The following MOB4 variants were observed in gnomAD, a reference collection of about 807,000 sequenced individuals.
The protein encoded by MOB4 is MOB-like protein phocein.
Under a neutral mutation model 32.2 loss-of-function variants are expected in MOB4, and 4 were observed. The ratio of observed to expected loss-of-function variants is 0.12; its 90% CI spans 0.06 to 0.28. MOB4 has a LOEUF of 0.28. Ranked by LOEUF, MOB4 falls within the 10% of genes least tolerant of loss-of-function variation. The probability of loss-of-function intolerance (pLI) is 1.00; values close to 1 mark genes in which losing one functional copy is unlikely to be tolerated. For synonymous variants in MOB4, 88 were observed against 88.1 expected (o/e 1.00, Z 0.01); for missense variants, 158 against 271.2 (o/e 0.58, Z 2.93).
intron 1 of MOB4, among the ~76,000 whole-genome samples, chr2:197,519,315 A>T (rs1238613737): frequency 6.6e-6 from 1 of 152,190 alleles, no homozygotes; most frequent in Non-Finnish European, 1.5e-5. Flanking sequence ...AAGGCGAAAC[A>T]TTTCATTCTC....
chr2:197,515,740 ACG>A, upstream of MOB4: 1 of 335,302 alleles, frequency 3.0e-6, no homozygotes, highest in South Asian at 3.8e-5. Context: ...CGTGTAACTA[ACG>A]AGAGCCCATA....
At chr2:197,523,558 AT>A in intron 1 of MOB4, 65 bp from the exon 2 acceptor site, 1 of 1,507,368 alleles carries the variant, frequency 6.6e-7, no homozygotes, top group Non-Finnish European at 9.0e-7. Flanking sequence ...TTGGGTCTTT[AT>A]TAAGAATTGA....
At chr2:197,516,542 G>A (rs1695888630) in intron 1 of MOB4, 1 of 546,360 alleles carries the variant, frequency 1.8e-6, no homozygotes. Context: ...CGCTGAGGTG[G>A]GAGGGGGTGT....
At chr2:197,520,228 G>T (rs1462218817) in intron 1 of MOB4, among the ~76,000 whole-genome samples, 1 of 150,404 alleles carries the variant, frequency 6.6e-6, no homozygotes, top group Non-Finnish European at 1.5e-5. Flanking sequence ...TGTCTCCCAG[G>T]CTGGAGTGCA....
chr2:197,549,101 A>G (rs1055168023), intron 6 of MOB4, among the ~76,000 whole-genome samples: 2 of 152,054 alleles, frequency 1.3e-5, no homozygotes, highest in African/African-American at 4.8e-5. Context: ...GGTGACGAGT[A>G]CCTGTAATCC....
intron 6 of MOB4, among the ~76,000 whole-genome samples, chr2:197,549,752 T>C (rs1444096876): frequency 6.6e-6 from 1 of 151,402 alleles, no homozygotes; most frequent in Non-Finnish European, 1.5e-5. Context: ...GGTTTCACCA[T>C]GTTGGCCAGG....
chr2:197,531,296 G>A (rs1203035727), intron 2 of MOB4, among the ~76,000 whole-genome samples: 2 of 151,702 alleles, frequency 1.3e-5, no homozygotes, highest in Non-Finnish European at 2.9e-5. Context: ...CACCCACCTC[G>A]GCCTCCCAAA....
intron 1 of MOB4, among the ~76,000 whole-genome samples, chr2:197,521,332 G>T (rs959931786): frequency 5.9e-5 from 9 of 152,164 alleles, no homozygotes; most frequent in African/African-American, 2.2e-4. Context: ...TACAAATAGG[G>T]TGTGGGTCAC....
chr2:197,532,123 G>T (rs1420339208), intron 2 of MOB4, among the ~76,000 whole-genome samples: 1 of 151,926 alleles, frequency 6.6e-6, no homozygotes, highest in East Asian at 1.9e-4. Context: ...TGGCCAGGCT[G>T]GTCTTGAACT....
intron 3 of MOB4, 74 bp from the exon 4 acceptor site, chr2:197,540,037 T>C (rs778355281): frequency 2.5e-5 from 38 of 1,503,968 alleles, no homozygotes; most frequent in Non-Finnish European, 3.2e-5. Context: ...TGGGATTCTC[T>C]TTTTGCAGCT....
At chr2:197,518,901 G>A (rs2086465337) in intron 1 of MOB4, among the ~76,000 whole-genome samples, 2 of 151,964 alleles carry the variant, frequency 1.3e-5, no homozygotes, top group Admixed American at 6.6e-5. Flanking sequence ...GACTACAGGC[G>A]CTAACCACCA....
At chr2:197,524,275 G>C (rs1007179097) in intron 2 of MOB4, among the ~76,000 whole-genome samples, 1 of 152,128 alleles carries the variant, frequency 6.6e-6, no homozygotes, top group Non-Finnish European at 1.5e-5. Flanking sequence ...GCTCACAGCT[G>C]TAATCCCAGC....
chr2:197,524,676 G>T (rs1380450231), intron 2 of MOB4, among the ~76,000 whole-genome samples: 1 of 152,032 alleles, frequency 6.6e-6, no homozygotes, highest in African/African-American at 2.4e-5. Context: ...GTAGAGACAG[G>T]GTTTTGCGAT....
At chr2:197,524,403 G>A (rs2106108442) in intron 2 of MOB4, among the ~76,000 whole-genome samples, 1 of 151,932 alleles carries the variant, frequency 6.6e-6, no homozygotes, top group South Asian at 2.1e-4. Flanking sequence ...ATGGTGGCAT[G>A]TGCCTGTAGT....
chr2:197,519,732 C>T (rs1428818226), intron 1 of MOB4, among the ~76,000 whole-genome samples: 2 of 152,036 alleles, frequency 1.3e-5, no homozygotes, highest in African/African-American at 4.8e-5. Flanking sequence ...ATTAAACCTG[C>T]AGATATGGAG....
intron 5 of MOB4, among the ~76,000 whole-genome samples, chr2:197,544,244 G>A (rs1325606910): frequency 1.3e-5 from 2 of 151,996 alleles, no homozygotes; most frequent in African/African-American, 4.8e-5. Flanking sequence ...GCTAATTTTT[G>A]TATTTTTAGT....
chr2:197,523,674 A>C lies in MOB4; in HGVS notation c.111A>C (p.Leu37=), dbSNP rs1427602657. The C allele has an allele frequency of 6.2e-7, 1 of 1,606,052 alleles. No individual in the cohort carries two copies. The highest frequency in any genetic ancestry group is 1.7e-5 in the Admixed American group (1 of 57,432). Residue 37 remains leucine, a synonymous_variant, in exon 2 of 8, where the codon CTA becomes CTC. Coordinates refer to ENST00000323303, the MANE Select transcript of MOB4 (RefSeq NM_015387.5). ...DESFDEMDST[L]AVQQYIQQNI... ...CCTTTGATGAAATGGACAGTACACT[A>C]GCTGTTCAACAGGTAATAAAAATAG...
At chr2:197,538,814 A>T (rs1373273975) in intron 3 of MOB4, among the ~76,000 whole-genome samples, 4 of 152,342 alleles carry the variant, frequency 2.6e-5, no homozygotes, top group Non-Finnish European at 1.5e-5. Flanking sequence ...CAACTAAAAA[A>T]CACATAACAT....
intron 5 of MOB4, among the ~76,000 whole-genome samples, chr2:197,543,991 C>G (rs1484291470): frequency 2.0e-5 from 3 of 151,914 alleles, no homozygotes; most frequent in Non-Finnish European, 2.9e-5. Flanking sequence ...CCGCCCACCT[C>G]AGCCTCCTAA....
Sources: gnomAD v4.1 joint callset for allele counts (sites outside exome capture counted in the v4.1 genomes callset) on GRCh38, gnomAD v4.1.1 for gene constraint, MANE v1.5 for transcripts, NCBI Gene and HGNC (gene_info 2026-07-23, HGNC 2026-07-21) for gene names.